EDA: variants seen among roughly 807,000 people sequenced by gnomAD.
EDA encodes ectodysplasin A.
EDA carries 2 observed loss-of-function variants against 23.6 expected under a neutral mutation model. The ratio of observed to expected loss-of-function variants is 0.08; its 90% CI spans 0.03 to 0.27. The LOEUF (loss-of-function observed/expected upper bound fraction) is 0.27, where lower values mean the gene tolerates loss of function less well. EDA is among the 10% of genes least tolerant of loss of function. The probability of loss-of-function intolerance (pLI) is 1.00; values close to 1 mark genes in which losing one functional copy is unlikely to be tolerated. For missense variants in EDA, 229 were observed against 324.2 expected, an observed-to-expected ratio of 0.71 and a Z score of 2.26; for synonymous variants, 131 against 132.0, an observed-to-expected ratio of 0.99 and a Z score of 0.05.
chrX:69,723,346 T>G (rs2012664556), intron 1 of EDA, among the ~76,000 whole-genome samples: 1 of 112,458 alleles, frequency 8.9e-6, no homozygotes, highest in Non-Finnish European at 1.9e-5. Context: ...TTGTTTGACA[T>G]TATCATATGT....
intron 1 of EDA, among the ~76,000 whole-genome samples, chrX:69,928,474 G>A (rs924702002): frequency 7.2e-5 from 8 of 111,305 alleles, no homozygotes; most frequent in Non-Finnish European, 1.3e-4. Flanking sequence ...TGTTACTGGG[G>A]GTGGGTAGAT....
At chrX:69,856,257 GTGTGTGTGT>G (rs2017248079) in intron 1 of EDA, among the ~76,000 whole-genome samples, 48 of 79,243 alleles carry the variant, frequency 6.1e-4, no homozygotes, top group Non-Finnish European at 1.0e-3. Context: ...ATTCCATGGT[GTGTGTGTGT>G]GTGTGTGTGT....
intron 1 of EDA, among the ~76,000 whole-genome samples, chrX:69,827,260 G>A (rs1320774524): frequency 3.6e-5 from 4 of 111,957 alleles, no homozygotes; most frequent in Non-Finnish European, 5.6e-5. Context: ...TTGCTAGATT[G>A]GGGAAGTTCT....
intron 1 of EDA, among the ~76,000 whole-genome samples, chrX:69,815,020 AG>A (rs1389041305): frequency 8.9e-6 from 1 of 111,883 alleles, no homozygotes; most frequent in East Asian, 2.8e-4. Context: ...TCCCTAGGAA[AG>A]GGGCTGAATC....
chrX:69,686,593 A>G (rs1468116300), intron 1 of EDA, among the ~76,000 whole-genome samples: 1 of 110,560 alleles, frequency 9.0e-6, no homozygotes, highest in Non-Finnish European at 1.9e-5. Flanking sequence ...TTTTTCCTGA[A>G]CCCTCTCCTC....
chrX:69,900,032 A>G (rs2018075782), intron 1 of EDA, among the ~76,000 whole-genome samples: 1 of 111,540 alleles, frequency 9.0e-6, no homozygotes, highest in South Asian at 3.8e-4. Context: ...TGGGGTTAAT[A>G]ATAGTATCTA....
intron 1 of EDA, among the ~76,000 whole-genome samples, chrX:69,754,165 T>G (rs1005002437): frequency 8.9e-6 from 1 of 112,201 alleles, no homozygotes; most frequent in African/African-American, 3.2e-5. Flanking sequence ...TTCCTAGCAT[T>G]GATGGTCTTT....
At chrX:69,748,069 G>T in intron 1 of EDA, among the ~76,000 whole-genome samples, 1 of 111,802 alleles carries the variant, frequency 8.9e-6, no homozygotes, top group Admixed American at 9.5e-5. Flanking sequence ...CCCTGGAGGA[G>T]ACTGAAGGTG....
chrX:69,751,400 C>G (rs772755145), intron 1 of EDA, among the ~76,000 whole-genome samples: 9 of 112,331 alleles, frequency 8.0e-5, no homozygotes, highest in South Asian at 7.2e-4. Flanking sequence ...GTTTTGGTAC[C>G]AGTACCATGC....
chrX:69,714,783 C>T (rs1035012457), intron 1 of EDA, among the ~76,000 whole-genome samples: 3 of 111,246 alleles, frequency 2.7e-5, no homozygotes, highest in Non-Finnish European at 5.7e-5. Context: ...GTTTTGATTA[C>T]GGTAGCTATA....
At chrX:69,844,673 CAT>C (rs2016969628) in intron 1 of EDA, among the ~76,000 whole-genome samples, 1 of 112,706 alleles carries the variant, frequency 8.9e-6, no homozygotes, top group Non-Finnish European at 1.9e-5. Context: ...CCATCACTTG[CAT>C]ATGTTTTCTC....
In EDA at chrX:69,774,638, G is replaced by A. The variant is rs771789235; in HGVS notation, c.396+157934G>A. Among the ~76,000 whole-genome samples, 4 of 111,984 alleles carry A rather than the reference G, an allele frequency of 3.6e-5. No homozygotes were observed. The East Asian group carries it at 1.1e-3, about 31-fold the overall frequency. On this transcript the variant is annotated intron_variant, in intron 1 of 7. Transcript: ENST00000374552. ...GGCTGTTACTTCTTCTTGATCAGAA[G>A]TGAACCTGTCATATTGTTTTAAATT...
At chrX:69,677,494 T>C (rs1934142646) in intron 1 of EDA, among the ~76,000 whole-genome samples, 1 of 111,515 alleles carries the variant, frequency 9.0e-6, no homozygotes, top group South Asian at 3.8e-4. Flanking sequence ...GCACCTGTTG[T>C]TTCCTGACTT....
At chrX:69,848,383 G>T (rs1460390538) in intron 1 of EDA, among the ~76,000 whole-genome samples, 2 of 111,190 alleles carry the variant, frequency 1.8e-5, no homozygotes, top group Non-Finnish European at 3.8e-5. Context: ...TCCTCTTGCT[G>T]AAGGGTCTTA....
chrX:69,771,545 A>G lies in EDA; in HGVS notation c.396+154841A>G, dbSNP rs146181941. Among the ~76,000 whole-genome samples, 1,213 of 111,762 alleles carry G rather than the reference A, an allele frequency of 0.011. 44 individuals are homozygous for G. The East Asian group carries it at 0.15, about 14-fold the overall frequency. On this transcript the variant is annotated intron_variant, in intron 1 of 7. Coordinates refer to ENST00000374552, the MANE Select transcript of EDA (RefSeq NM_001399.5). ...TGTGAGGGGGAAATAAGGAATGACT[A>G]CTACTGGACATGAGGCTTCTTTTTG...
At chrX:69,885,424 C>A (rs1261899934) in intron 1 of EDA, among the ~76,000 whole-genome samples, 1 of 112,134 alleles carries the variant, frequency 8.9e-6, no homozygotes, top group African/African-American at 3.2e-5. Context: ...CTAAGTACCT[C>A]ATATAAATGG....
chrX:69,915,043 C>T (rs750329728), intron 1 of EDA, among the ~76,000 whole-genome samples: 1 of 111,937 alleles, frequency 8.9e-6, no homozygotes, highest in African/African-American at 3.2e-5. Context: ...AATATGATTT[C>T]TTTGTTAAAA....
chrX:69,918,149 C>CTTTT (rs71981189), intron 1 of EDA, among the ~76,000 whole-genome samples: 1 of 73,479 alleles, frequency 1.4e-5, no homozygotes, highest in African/African-American at 5.8e-5. Flanking sequence ...CCATCCCCTG[C>CTTTT]TTTTTTTTTT....
intron 1 of EDA, among the ~76,000 whole-genome samples, chrX:69,678,295 G>C: frequency 9.1e-6 from 1 of 109,560 alleles, no homozygotes; most frequent in East Asian, 2.9e-4. Context: ...GGATTGACTT[G>C]GTGATGCGGG....
Sources: gnomAD v4.1 joint callset for allele counts (sites outside exome capture counted in the v4.1 genomes callset) on GRCh38, gnomAD v4.1.1 for gene constraint, MANE v1.5 for transcripts, NCBI Gene and HGNC (gene_info 2026-07-23, HGNC 2026-07-21) for gene names.